The following ZMYND12 variants were observed in gnomAD, a reference collection of about 807,000 sequenced individuals.
ZMYND12 encodes the protein zinc finger MYND-type containing 12, also known as zinc finger MYND domain-containing protein 12.
In ZMYND12, 32 loss-of-function variants were observed where a neutral mutation model predicts 41.7. The observed-to-expected ratio is 0.77, with a 90% CI of 0.58 to 1.03. The LOEUF is 1.03. Among genes scored for constraint, ZMYND12 ranks in the 50% least tolerant of loss-of-function variants. The probability of loss-of-function intolerance (pLI) is 0.00; values close to 1 mark genes in which losing one functional copy is unlikely to be tolerated. For missense variants in ZMYND12, 424 were observed against 438.5 expected, an observed-to-expected ratio of 0.97 and a Z score of 0.30; for synonymous variants, 148 against 164.8, an observed-to-expected ratio of 0.90 and a Z score of 0.78.
chr1:42,448,987 T>C (rs1643052535), intron 2 of ZMYND12, among the ~76,000 whole-genome samples: 1 of 152,246 alleles, frequency 6.6e-6, no homozygotes, highest in Non-Finnish European at 1.5e-5. Flanking sequence ...AATCTGAAAC[T>C]TTCTGCCTTC....
Position 42,448,478 on chromosome 1 carries a change from TC to T in ZMYND12, c.412del (p.Glu138ArgfsTer46). 6.3e-7 allele frequency: 1 copy of T among 1,598,270 alleles called. No individual in the cohort carries two copies. The highest frequency in any genetic ancestry group is 8.5e-7 in the Non-Finnish European group (1 of 1,171,540). ...ELVPAYLLLA[E>X]ASLGLGRIVQ... ...TCGGTTTCACTCACCAAGGCTGGCC[TC>T]GGCCAACAGCAGGTAAGCAGGCACA... On this transcript the variant is annotated frameshift_variant, in exon 3 of 8. Coordinates refer to ENST00000372565, the MANE Select transcript of ZMYND12 (RefSeq NM_032257.5). LOFTEE classifies it high-confidence loss of function.
At chr1:42,453,320 G>A (rs941922711) in intron 1 of ZMYND12, among the ~76,000 whole-genome samples, 14 of 152,284 alleles carry the variant, frequency 9.2e-5, no homozygotes, top group African/African-American at 3.4e-4. Context: ...AGATATTAGT[G>A]CCAACTATGT....
In ZMYND12 at chr1:42,430,418, G is replaced by A; in HGVS notation, c.*318C>T. On this transcript the variant is annotated 3_prime_UTR_variant, in exon 8 of 8. Transcript: ENST00000372565. ...AACATGCATCGTTGGAAGACTTCTG[G>A]GAAATGACAAACTATTTGTAGTTTA... is the stretch of plus-strand genomic sequence containing the variant. The A allele has an allele frequency of 4.4e-6, 1 of 228,932 alleles. No homozygotes were observed. The highest frequency in any genetic ancestry group is 8.7e-6 in the Non-Finnish European group (1 of 115,538). The allele number at this position is 228,932 out of a possible 1,614,324, so 14.2% of individuals were successfully genotyped here.
intron 4 of ZMYND12, among the ~76,000 whole-genome samples, chr1:42,439,380 C>T (rs1642942368): frequency 6.6e-6 from 1 of 152,170 alleles, no homozygotes; most frequent in Admixed American, 6.5e-5. Flanking sequence ...ATTCCCCTGC[C>T]TCAGCCTTCC....
chr1:42,438,675 TC>T (rs1642932449), intron 4 of ZMYND12, among the ~76,000 whole-genome samples: 1 of 152,116 alleles, frequency 6.6e-6, no homozygotes, highest in African/African-American at 2.4e-5. Context: ...GAGGTCAGGC[TC>T]CCAGGGCATA....
Position 42,433,230 on chromosome 1 carries a change from T to C in ZMYND12, c.888A>G (p.Glu296=), listed in dbSNP as rs1642872971. Residue 296 remains glutamate, a synonymous_variant, in exon 7 of 8, where the codon GAA becomes GAG. Transcript: ENST00000372565. The part of the protein sequence containing the change: ...RILTSILNIR[E]STSDKAPQKT... ...TTTGGGGGGCTTTGTCAGATGTAGA[T>C]TCTCGAATGTTCAAGATTGAAGTCA... 6.2e-7 allele frequency: 1 copy of C among 1,612,814 alleles called. No individual in the cohort carries two copies. Among genetic ancestry groups the C allele is most frequent in the Non-Finnish European group, 8.5e-7 (1 of 1,179,616 alleles).
intron 5 of ZMYND12, among the ~76,000 whole-genome samples, chr1:42,435,915 C>T (rs1370821831): frequency 6.6e-6 from 1 of 152,214 alleles, no homozygotes; most frequent in Non-Finnish European, 1.5e-5. Flanking sequence ...ACATTTATTA[C>T]ACAAATGATT....
chr1:42,451,233 G>A (rs1643080709), intron 1 of ZMYND12, among the ~76,000 whole-genome samples: 1 of 152,086 alleles, frequency 6.6e-6, no homozygotes, highest in Admixed American at 6.6e-5. Flanking sequence ...CTTTCATCTA[G>A]TTGTTCTGTT....
intron 4 of ZMYND12, among the ~76,000 whole-genome samples, chr1:42,437,637 C>T (rs564989188): frequency 3.3e-5 from 5 of 151,134 alleles, no homozygotes; most frequent in East Asian, 1.9e-4. Context: ...CTCAGCCTTC[C>T]GAGCGGCTGG....
chr1:42,435,560 A>AGT lies in ZMYND12; in HGVS notation c.718-177_718-176dup. 7.4e-6 allele frequency: 4 copies of AGT among 540,898 alleles called. 1 individual carries two copies. In the South Asian group the frequency reaches 8.7e-5, roughly 12 times the overall value. The allele number at this position is 540,898 out of a possible 1,614,324, so 33.5% of individuals were successfully genotyped here. A position where few individuals can be genotyped will look rare whatever the true frequency, so the allele number is the denominator to read the frequency against. On this transcript the variant is annotated intron_variant, in intron 5 of 7. Coordinates refer to ENST00000372565, the MANE Select transcript of ZMYND12 (RefSeq NM_032257.5). ...AGCCCAAACAGGCCTGGCCAAGGTA[A>AGT]GTGTGACAAGTGATGGGCTGAAAAG...
chr1:42,443,336 G>C (rs1642989477), intron 3 of ZMYND12, among the ~76,000 whole-genome samples: 1 of 152,190 alleles, frequency 6.6e-6, no homozygotes, highest in African/African-American at 2.4e-5. Context: ...GAGAGGCATA[G>C]GGTGAAGTGG....
Position 42,448,469 on chromosome 1 carries a change from A to G in ZMYND12, c.422T>C (p.Leu141Pro). 6.3e-7 allele frequency: 1 copy of G among 1,592,768 alleles called. No homozygotes were observed. The highest frequency in any genetic ancestry group is 8.6e-7 in the Non-Finnish European group (1 of 1,168,638). The change falls in exon 3 of 8, where the codon CTT becomes CCT. Residue 141 changes from leucine to proline, a missense_variant and splice_region_variant. Transcript: ENST00000372565. ...GATCTCAAGTCGGTTTCACTCACCA[A>G]GGCTGGCCTCGGCCAACAGCAGGTA... ...PAYLLLAEAS[L>P]GLGRIVQAEE...
chr1:42,448,223 G>T (rs964937186), intron 3 of ZMYND12, among the ~76,000 whole-genome samples: 6 of 152,304 alleles, frequency 3.9e-5, no homozygotes, highest in African/African-American at 1.4e-4. Context: ...GCTCCTGTAG[G>T]ATACTACAGC....
chr1:42,430,550 T>C lies in ZMYND12; in HGVS notation c.*186A>G, dbSNP rs1470810647. On this transcript the variant is annotated 3_prime_UTR_variant, in exon 8 of 8. Coordinates refer to ENST00000372565, the MANE Select transcript of ZMYND12 (RefSeq NM_032257.5). ...CAAACACAGTTTTTAGTGATTTCTA[T>C]GCCTAAAGCTTTATATTCCCTTAAT... is the stretch of plus-strand genomic sequence containing the variant. 1 of 640,550 alleles carries C rather than the reference T, an allele frequency of 1.6e-6. No homozygotes were observed. The highest frequency in any genetic ancestry group is 1.8e-5 in the African/African-American group (1 of 55,560). The allele number at this position is 640,550 out of a possible 1,614,324, so 39.7% of individuals were successfully genotyped here. A position where few individuals can be genotyped will look rare whatever the true frequency, so the allele number is the denominator to read the frequency against.
intron 6 of ZMYND12, among the ~76,000 whole-genome samples, chr1:42,435,013 T>C (rs2148404587): frequency 6.6e-6 from 1 of 152,022 alleles, no homozygotes; most frequent in East Asian, 1.9e-4. Flanking sequence ...ACAGGGGGCT[T>C]TGATGTGGTC....
At position 42,439,950 on chromosome 1, in the gene ZMYND12, C is replaced by T. The variant is rs755902200; in HGVS notation, c.500G>A (p.Ser167Asn). 4 of 1,613,986 alleles carry T rather than the reference C, an allele frequency of 2.5e-6. No individual in the cohort carries two copies. In the Admixed American group the frequency reaches 5.0e-5, roughly 20 times the overall value. Residue 167 changes from serine (S) to asparagine (N), a missense_variant, in exon 4 of 8, where the codon AGT (serine) becomes AAT (asparagine). Transcript: ENST00000372565. The stretch of plus-strand genomic sequence containing the variant: ...ATGCAGTAAAGAGTGGGTGGCATTA[C>T]TACAGTCAGTTGATTTGAGGACTGT... ...QWTVLKSTDC[S>N]NATHSLLHRN...
At chr1:42,452,618 G>C (rs1643093991) in intron 1 of ZMYND12, among the ~76,000 whole-genome samples, 1 of 152,088 alleles carries the variant, frequency 6.6e-6, no homozygotes, top group South Asian at 2.1e-4. Flanking sequence ...CAAGAGAATT[G>C]CTTGAACCCG....
At chr1:42,444,547 C>T (rs1643002601) in intron 3 of ZMYND12, among the ~76,000 whole-genome samples, 1 of 152,154 alleles carries the variant, frequency 6.6e-6, no homozygotes, top group African/African-American at 2.4e-5. Flanking sequence ...TTAAAAGAAT[C>T]CTGTGAAGAC....
At chr1:42,446,379 C>G (rs1643023960) in intron 3 of ZMYND12, among the ~76,000 whole-genome samples, 1 of 152,084 alleles carries the variant, frequency 6.6e-6, no homozygotes, top group Non-Finnish European at 1.5e-5. Flanking sequence ...AGATACAGGC[C>G]AGACACGGTG....
Sources: allele counts gnomAD v4.1 joint callset (sites outside exome capture counted in the v4.1 genomes callset), GRCh38; gene constraint gnomAD v4.1.1; transcripts MANE v1.5; gene names NCBI Gene and HGNC (gene_info 2026-07-23, HGNC 2026-07-21).